Variants in ACADL observed in about 807,000 individuals in gnomAD.
The protein encoded by ACADL is long-chain specific acyl-CoA dehydrogenase, mitochondrial.
In ACADL, 60 loss-of-function variants were observed where a neutral mutation model predicts 56.9. The ratio of observed to expected loss-of-function variants is 1.05; its 90% CI spans 0.86 to 1.31. ACADL has a LOEUF of 1.31. Ranked by LOEUF, ACADL falls within the 50% of genes most tolerant of loss-of-function variation. The pLI, the probability that ACADL is intolerant of heterozygous loss-of-function variation, is 0.00. For missense variants in ACADL, 484 were observed against 525.5 expected, an observed-to-expected ratio of 0.92 and a Z score of 0.77; for synonymous variants, 158 against 179.7, an observed-to-expected ratio of 0.88 and a Z score of 0.97.
chr2:210,220,915 T>C, intron 1 of ACADL, 113 bp from the exon 2 acceptor site: 1 of 877,368 alleles, frequency 1.1e-6, no homozygotes, highest in East Asian at 2.8e-5. Context: ...GAGAGGCAAG[T>C]AGAAAGAGTT....
intron 10 of ACADL, among the ~76,000 whole-genome samples, chr2:210,190,391 T>G (rs1163552602): frequency 1.3e-5 from 2 of 151,410 alleles, no homozygotes; most frequent in African/African-American, 4.8e-5. Context: ...TGCGTTTAGA[T>G]ATATATATAT....
At chr2:210,223,870 A>G (rs1479738043) in intron 1 of ACADL, among the ~76,000 whole-genome samples, 1 of 152,222 alleles carries the variant, frequency 6.6e-6, no homozygotes, top group Non-Finnish European at 1.5e-5. Context: ...AGTTATGTAG[A>G]TACCTTTCGA....
chr2:210,219,706 A>G (rs767215643), intron 2 of ACADL, among the ~76,000 whole-genome samples: 49 of 152,146 alleles, frequency 3.2e-4, no homozygotes, highest in Admixed American at 2.0e-4. Flanking sequence ...CAATTTTTTT[A>G]CTTATGATGG....
intron 4 of ACADL, among the ~76,000 whole-genome samples, chr2:210,214,513 G>GAAAGAAAGAAAGAAAGAAAGAA (rs1553691052): frequency 1.3e-4 from 19 of 147,926 alleles, no homozygotes; most frequent in South Asian, 8.7e-4. Flanking sequence ...GAAAGAAAAA[G>GAAAGAAAGAAAGAAAGAAAGAA]AAAGAAAGAA....
At chr2:210,224,064 T>C (rs1323752293) in intron 1 of ACADL, among the ~76,000 whole-genome samples, 1 of 151,662 alleles carries the variant, frequency 6.6e-6, no homozygotes, top group Non-Finnish European at 1.5e-5. Flanking sequence ...CCGTCTCTAC[T>C]AAAAAGATCA....
At chr2:210,192,729 T>G in intron 10 of ACADL, 75 bp downstream of exon 10, 1 of 1,107,608 alleles carries the variant, frequency 9.0e-7, no homozygotes. Context: ...TCCCTCTACA[T>G]TTGATGTACA....
At chr2:210,199,088 T>G (rs1688754854) in intron 8 of ACADL, among the ~76,000 whole-genome samples, 3 of 152,154 alleles carry the variant, frequency 2.0e-5, no homozygotes, top group African/African-American at 7.2e-5. Context: ...TGGCCAAGTA[T>G]ATTGTAACAT....
At chr2:210,195,734 T>C (rs1348127206) in intron 8 of ACADL, among the ~76,000 whole-genome samples, 3 of 152,148 alleles carry the variant, frequency 2.0e-5, no homozygotes, top group South Asian at 4.1e-4. Context: ...TCCTTGAAGA[T>C]TTTTTTCTTT....
rs761130972 is a variant in ACADL, at chr2:210,204,606, T to C, written c.845A>G (p.Tyr282Cys). 1.8e-5 allele frequency: 29 copies of C among 1,610,746 alleles called. 1 individual carries two copies. In the South Asian group the frequency reaches 3.1e-4, roughly 17 times the overall value. ...CTGTGGAAGCTCTTTCATGATGTAA[T>C]AGAAGCCTTTATTCTCTTCTCCAAG... ...ALLGEENKGF[Y>C]YIMKELPQER... Residue 282 changes from tyrosine to cysteine, a missense_variant, in exon 7 of 11, where the codon TAT becomes TGT. Tyr to Cys is a radical substitution (Grantham distance 194). Coordinates refer to ENST00000233710, the MANE Select transcript of ACADL (RefSeq NM_001608.4).
At chr2:210,214,773 A>C (rs1451313027) in intron 4 of ACADL, among the ~76,000 whole-genome samples, 1 of 152,238 alleles carries the variant, frequency 6.6e-6, no homozygotes, top group Non-Finnish European at 1.5e-5. Flanking sequence ...ATTGGCAGTC[A>C]GTCAGGTAGT....
intron 8 of ACADL, 111 bp from the exon 9 acceptor site, chr2:210,195,449 G>T: frequency 8.3e-7 from 1 of 1,208,048 alleles, no homozygotes; most frequent in Non-Finnish European, 1.2e-6. Context: ...GCAAACAAAA[G>T]TGGAATTGTT....
chr2:210,196,985 T>C (rs1688719561), intron 8 of ACADL, among the ~76,000 whole-genome samples: 1 of 152,208 alleles, frequency 6.6e-6, no homozygotes, highest in Admixed American at 6.5e-5. Flanking sequence ...TCTCAAGTTA[T>C]AAAACTGATT....
chr2:210,214,491 GAAAGAAAGAAAGAAAGAA>G (rs996567710), intron 4 of ACADL, among the ~76,000 whole-genome samples: 7 of 150,002 alleles, frequency 4.7e-5, no homozygotes, highest in African/African-American at 1.8e-4. Flanking sequence ...AAGAAAGAAA[GAAAGAAAGAAAGAAAGAA>G]AAAGAAAGAA....
intron 4 of ACADL, among the ~76,000 whole-genome samples, chr2:210,215,366 T>C (rs1689068594): frequency 6.6e-6 from 1 of 152,078 alleles, no homozygotes; most frequent in African/African-American, 2.4e-5. Context: ...TCTTCTCCAT[T>C]CTCAACATCA....
intron 8 of ACADL, 67 bp downstream of exon 8, chr2:210,203,264 T>C (rs771725590): frequency 1.3e-5 from 14 of 1,078,662 alleles, no homozygotes; most frequent in Non-Finnish European, 2.0e-5. Context: ...AAACTTCTAT[T>C]TACCCCAGGC....
At position 210,195,338 on chromosome 2, in the gene ACADL, T is replaced by A. The variant is rs1688692590; in HGVS notation, c.985A>T (p.Thr329Ser). Residue 329 changes from threonine to serine, a missense_variant and splice_region_variant, in exon 9 of 11, where the codon ACA (threonine) becomes TCA (serine). Physicochemically the swap from Thr to Ser is moderately conservative, Grantham distance 58. Transcript: ENST00000233710. Reference protein sequence around the residue: ...AFGKTVAHLQTVQHKLAELKT... With the variant: ...AFGKTVAHLQSVQHKLAELKT... ...AATTCTGCTAATTTATGTTGCACTG[T>A]CTTGAATTTAAAGGAAATAAAAGAA... 1.2e-6 allele frequency: 2 copies of A among 1,611,868 alleles called. No homozygotes were observed. The highest frequency in any genetic ancestry group is 1.7e-4 in the Middle Eastern group (1 of 6,052).
chr2:210,209,157 T>C (rs1688940243), intron 5 of ACADL, among the ~76,000 whole-genome samples: 1 of 152,194 alleles, frequency 6.6e-6, no homozygotes, highest in Non-Finnish European at 1.5e-5. Flanking sequence ...AGAACACCAG[T>C]GATTCAATTT....
At position 210,205,911 on chromosome 2, in the gene ACADL, C is replaced by CCT. The variant is rs1688880905; in HGVS notation, c.604-117_604-116dup. The CCT allele has an allele frequency of 6.5e-6, 8 of 1,222,420 alleles. No homozygotes were observed. The Admixed American group carries it at 1.4e-4, about 22-fold the overall frequency. 75.7% of individuals were successfully genotyped at this position (1,222,420 alleles called of 1,614,324 possible). Reference sequence around the variant, plus strand: ...TAAAACAGACAAGACATGCTTGATACCTCTCTCTGTACCCTACCCAAATAT... The same window carrying CCT: ...TAAAACAGACAAGACATGCTTGATACCTCTCTCTCTGTACCCTACCCAAATAT... On this transcript the variant is annotated intron_variant, in intron 5 of 10. Coordinates refer to ENST00000233710, the MANE Select transcript of ACADL (RefSeq NM_001608.4).
At chr2:210,203,587 C>G in intron 7 of ACADL, 143 bp from the exon 8 acceptor site, 1 of 587,686 alleles carries the variant, frequency 1.7e-6, no homozygotes, top group Non-Finnish European at 3.0e-6. Flanking sequence ...TATAAGAAAA[C>G]AGATTTATGA....
Sources: gnomAD v4.1 joint callset for allele counts (sites outside exome capture counted in the v4.1 genomes callset) on GRCh38, gnomAD v4.1.1 for gene constraint, MANE v1.5 for transcripts, NCBI Gene and HGNC (gene_info 2026-07-23, HGNC 2026-07-21) for gene names.